Variants in LCLAT1 observed in about 807,000 individuals in gnomAD.
The protein encoded by LCLAT1 is 1-AGP acyltransferase 8.
Under a neutral mutation model 30.7 loss-of-function variants are expected in LCLAT1, and 11 were observed. That is an observed-to-expected ratio of 0.36 (90% CI 0.23 to 0.59). LCLAT1 has a LOEUF of 0.59. Among genes scored for constraint, LCLAT1 ranks in the 20% least tolerant of loss-of-function variants. The pLI, the probability that LCLAT1 is intolerant of heterozygous loss-of-function variation, is 0.77. For missense variants in LCLAT1, 402 were observed against 458.6 expected (o/e 0.88, Z 1.13); for synonymous variants, 155 against 151.3 (o/e 1.02, Z -0.18).
At chr2:30,596,070 C>A (rs1004445430) in intron 5 of LCLAT1, among the ~76,000 whole-genome samples, 2 of 152,100 alleles carry the variant, frequency 1.3e-5, no homozygotes, top group African/African-American at 2.4e-5. Context: ...TGTGTCTTTG[C>A]TATTGTGACT....
chr2:30,487,629 G>A (rs1242319833), intron 1 of LCLAT1, among the ~76,000 whole-genome samples: 2 of 152,190 alleles, frequency 1.3e-5, no homozygotes, highest in African/African-American at 2.4e-5. Context: ...CTTAAGGGTG[G>A]GTGGGCAGCA....
chr2:30,563,012 G>A (rs998621477), intron 4 of LCLAT1, among the ~76,000 whole-genome samples: 3 of 151,990 alleles, frequency 2.0e-5, no homozygotes, highest in Non-Finnish European at 4.4e-5. Flanking sequence ...AAGGACACAG[G>A]AAGACATGTT....
rs187598759 is a variant in LCLAT1, at chr2:30,467,910, C to G, written c.-5+20527C>G. The stretch of plus-strand genomic sequence containing the variant: ...AAGTTGCCTGTTCACTCTGATGGTA[C>G]TTTCTTTTGCTGTGCAGAAGCTCTT... On this transcript the variant is annotated intron_variant, in intron 1 of 5. Transcript: ENST00000379509. 8.2e-4 allele frequency among the ~76,000 whole-genome samples: 125 copies of G among 152,216 alleles called. No homozygotes were observed. The East Asian group carries it at 0.018, about 22-fold the overall frequency.
At chr2:30,459,691 T>C (rs771263903) in intron 1 of LCLAT1, 2 of 1,614,104 alleles carry the variant, frequency 1.2e-6, no homozygotes, top group Admixed American at 3.3e-5. Flanking sequence ...CTACTGCACG[T>C]ACTTCATAAA....
intron 1 of LCLAT1, among the ~76,000 whole-genome samples, chr2:30,520,826 G>T (rs1244063870): frequency 3.9e-5 from 6 of 152,162 alleles, no homozygotes; most frequent in South Asian, 2.1e-4. Context: ...AAACAGTAAA[G>T]TTCACTTTTT....
At chr2:30,596,038 T>C (rs1040081589) in intron 5 of LCLAT1, among the ~76,000 whole-genome samples, 3 of 152,318 alleles carry the variant, frequency 2.0e-5, no homozygotes, top group East Asian at 3.9e-4. Context: ...AGTCTGTCAT[T>C]GATGGGAATT....
intron 1 of LCLAT1, among the ~76,000 whole-genome samples, chr2:30,501,572 G>A (rs1684392739): frequency 6.6e-6 from 1 of 152,138 alleles, no homozygotes; most frequent in Non-Finnish European, 1.5e-5. Context: ...CTATTTGGGA[G>A]GCTCAGGTGG....
rs1055010172 is a variant in LCLAT1, at chr2:30,641,492, T to G, written c.*873T>G. The G allele has an allele frequency of 2.0e-5, 3 of 152,184 alleles. No homozygotes were observed. The highest frequency in any genetic ancestry group is 7.2e-5 in the African/African-American group (3 of 41,436). 9.4% of individuals were successfully genotyped at this position (152,184 alleles called of 1,614,324 possible). Reference sequence around the variant, plus strand: ...TCTGTCATTCCAGTCAGAAACTGTCTTTTGAAATATTTCTTTACAACCTAC... The same window carrying G: ...TCTGTCATTCCAGTCAGAAACTGTCGTTTGAAATATTTCTTTACAACCTAC... On this transcript the variant is annotated 3_prime_UTR_variant, in exon 6 of 6. Coordinates refer to ENST00000379509, the MANE Select transcript of LCLAT1 (RefSeq NM_001002257.3).
intron 5 of LCLAT1, among the ~76,000 whole-genome samples, chr2:30,587,048 C>A (rs1666476038): frequency 6.6e-6 from 1 of 152,150 alleles, no homozygotes; most frequent in Non-Finnish European, 1.5e-5. Context: ...TCCGCTAAAC[C>A]TGAACACTCT....
intron 5 of LCLAT1, among the ~76,000 whole-genome samples, chr2:30,617,204 C>T (rs12469630): frequency 0.13 from 19,786 of 152,104 alleles, 1,396 homozygotes; most frequent in South Asian, 0.23. Flanking sequence ...CTTCCCTGAA[C>T]GTTGGTCCCT....
At chr2:30,529,750 A>G (rs1036190866) in intron 2 of LCLAT1, among the ~76,000 whole-genome samples, 1 of 152,198 alleles carries the variant, frequency 6.6e-6, no homozygotes, top group Admixed American at 6.5e-5. Context: ...AGATTGCTGA[A>G]TGTGATTTTT....
At chr2:30,539,066 T>C (rs1663976454) in intron 3 of LCLAT1, among the ~76,000 whole-genome samples, 1 of 151,588 alleles carries the variant, frequency 6.6e-6, no homozygotes, top group Admixed American at 6.6e-5. Context: ...TTCAAGCGAT[T>C]TTCCTGCCTC....
intron 5 of LCLAT1, among the ~76,000 whole-genome samples, chr2:30,589,542 T>C (rs1301068851): frequency 6.6e-6 from 1 of 152,168 alleles, no homozygotes; most frequent in African/African-American, 2.4e-5. Flanking sequence ...AAATGTAAAT[T>C]AGACATACAA....
intron 1 of LCLAT1, among the ~76,000 whole-genome samples, chr2:30,513,530 C>T (rs1274046760): frequency 6.6e-6 from 1 of 152,050 alleles, no homozygotes; most frequent in Non-Finnish European, 1.5e-5. Context: ...ATGCTTAATT[C>T]ATTATATGCT....
At chr2:30,565,996 C>T (rs1489482209) in intron 4 of LCLAT1, among the ~76,000 whole-genome samples, 1 of 152,072 alleles carries the variant, frequency 6.6e-6, no homozygotes, top group African/African-American at 2.4e-5. Context: ...AGAATAGCTG[C>T]TAGTAGTCCC....
intron 5 of LCLAT1, among the ~76,000 whole-genome samples, chr2:30,601,100 T>C (rs1202358480): frequency 6.6e-6 from 1 of 152,156 alleles, no homozygotes; most frequent in African/African-American, 2.4e-5. Flanking sequence ...GTGGTTGCAT[T>C]GTGAAGTTTG....
chr2:30,596,875 C>T (rs1666949722), intron 5 of LCLAT1, among the ~76,000 whole-genome samples: 1 of 132,188 alleles, frequency 7.6e-6, no homozygotes, highest in South Asian at 2.9e-4. Flanking sequence ...AGCCAGTTCT[C>T]CCAGCACCAT....
At chr2:30,459,352 C>A (rs1048796891) in intron 1 of LCLAT1, among the ~76,000 whole-genome samples, 3 of 152,176 alleles carry the variant, frequency 2.0e-5, no homozygotes, top group African/African-American at 7.2e-5. Flanking sequence ...ATTGGGCTCT[C>A]ACCTCAGTCT....
chr2:30,466,126 A>G lies in LCLAT1; in HGVS notation c.-5+18743A>G, dbSNP rs565200126. On this transcript the variant is annotated intron_variant, in intron 1 of 5. Transcript: ENST00000379509. ...AAATTTCCTAATTCTGCTTTTACCT[A>G]TTTGATAATTCTTTATTTTATTAGA... Among the ~76,000 whole-genome samples the G allele has an allele frequency of 5.9e-5, 9 of 152,140 alleles. No individual in the cohort carries two copies. The South Asian group carries it at 1.0e-3, about 18-fold the overall frequency.
Sources: allele counts gnomAD v4.1 joint callset (sites outside exome capture counted in the v4.1 genomes callset), GRCh38; gene constraint gnomAD v4.1.1; transcripts MANE v1.5; gene names NCBI Gene and HGNC (gene_info 2026-07-23, HGNC 2026-07-21).